The following LINGO2 variants were observed in gnomAD, a reference collection of about 807,000 sequenced individuals.
LINGO2 encodes the protein leucine-rich repeat and immunoglobulin-like domain-containing nogo receptor-interacting protein 2.
Under a neutral mutation model 30.6 loss-of-function variants are expected in LINGO2, and 14 were observed. The ratio of observed to expected loss-of-function variants is 0.46; its 90% CI spans 0.30 to 0.72. LINGO2 has a LOEUF of 0.72. LINGO2 is among the 30% of genes least tolerant of loss of function. LINGO2 has a pLI of 0.07. For synonymous variants in LINGO2, 317 were observed against 288.5 expected (o/e 1.10, Z -1.00); for missense variants, 729 against 751.7 (o/e 0.97, Z 0.35).
chr9:28,644,853 T>A (rs568234254), intron 1 of LINGO2, among the ~76,000 whole-genome samples: 17 of 152,012 alleles, frequency 1.1e-4, no homozygotes, highest in East Asian at 3.9e-4. Flanking sequence ...TCAAATTTTT[T>A]TAAAAAAATT....
chr9:28,720,492 C>T, the LINGO2 span, among the ~76,000 whole-genome samples: 8 of 152,036 alleles, frequency 5.3e-5, no homozygotes, highest in Admixed American at 6.6e-5. Context: ...TTAGATATCT[C>T]TACCATGTCT....
At chr9:28,296,315 T>A (rs934488232) in intron 3 of LINGO2, among the ~76,000 whole-genome samples, 3 of 152,112 alleles carry the variant, frequency 2.0e-5, no homozygotes, top group Non-Finnish European at 2.9e-5. Context: ...TTAAAAACTA[T>A]TAGATTTTTT....
chr9:28,470,018 T>A (rs552821396), intron 2 of LINGO2, among the ~76,000 whole-genome samples: 6 of 152,250 alleles, frequency 3.9e-5, no homozygotes, highest in South Asian at 2.1e-4. Context: ...TAAGTATACA[T>A]AAAGGAATAC....
At position 28,314,136 on chromosome 9, in the gene LINGO2, A is replaced by G. The variant is rs10968489; in HGVS notation, c.-245-18770T>C. Among the ~76,000 whole-genome samples the G allele has an allele frequency of 3.1e-3, 464 of 151,958 alleles. 4 individuals are homozygous for G. Among genetic ancestry groups the G allele is most frequent in the African/African-American group, 0.01 (428 of 41,466 alleles). ...TTTTTACTAGAGACGGGGTTTCACC[A>G]TGTTAGCCAGGATGGTCTCGATCTC... is the stretch of plus-strand genomic sequence containing the variant. On this transcript the variant is annotated intron_variant, in intron 3 of 5. Transcript: ENST00000379992.
chr9:27,981,263 C>G (rs1820839168), intron 5 of LINGO2, among the ~76,000 whole-genome samples: 1 of 151,658 alleles, frequency 6.6e-6, no homozygotes, highest in Admixed American at 6.6e-5. Context: ...CATGTTTTAT[C>G]TCACCTAGTC....
At chr9:28,204,418 T>C (rs979087249) in intron 4 of LINGO2, among the ~76,000 whole-genome samples, 102 of 152,330 alleles carry the variant, frequency 6.7e-4, no homozygotes, top group African/African-American at 2.2e-3. Context: ...TGTGATGCTC[T>C]TTCTTCAACT....
chr9:28,686,898 G>A, the LINGO2 span, among the ~76,000 whole-genome samples: 1 of 152,112 alleles, frequency 6.6e-6, no homozygotes, highest in South Asian at 2.1e-4. Flanking sequence ...AATTTATGTT[G>A]AATATAAGAA....
At chr9:28,532,074 T>C (rs1030288486) in intron 1 of LINGO2, among the ~76,000 whole-genome samples, 6 of 152,152 alleles carry the variant, frequency 3.9e-5, no homozygotes, top group Non-Finnish European at 8.8e-5. Context: ...GAGGCAAGTA[T>C]AAGTAACAAG....
the LINGO2 span, among the ~76,000 whole-genome samples, chr9:28,892,753 T>G: frequency 6.6e-6 from 1 of 152,044 alleles, no homozygotes; most frequent in African/African-American, 2.4e-5. Context: ...CATACTACCC[T>G]ATTGAATATT....
At chr9:28,090,632 G>T (rs1477226863) in intron 4 of LINGO2, among the ~76,000 whole-genome samples, 7 of 152,212 alleles carry the variant, frequency 4.6e-5, no homozygotes, top group Admixed American at 2.6e-4. Context: ...AAAACCGGAA[G>T]CATTCCCTTT....
chr9:29,021,589 G>A, the LINGO2 span, among the ~76,000 whole-genome samples: 64 of 151,926 alleles, frequency 4.2e-4, no homozygotes, highest in African/African-American at 1.4e-3. Flanking sequence ...CCCAGAAGGC[G>A]GAGGTTGCAG....
chr9:28,031,031 A>G (rs1823642658), intron 4 of LINGO2, among the ~76,000 whole-genome samples: 1 of 152,170 alleles, frequency 6.6e-6, no homozygotes, highest in African/African-American at 2.4e-5. Context: ...TCAATCTTAT[A>G]CTTTCCCAAT....
At chr9:29,047,052 C>A in the LINGO2 span, among the ~76,000 whole-genome samples, 2,343 of 106,598 alleles carry the variant, frequency 0.022, 175 homozygotes, top group African/African-American at 0.076. Context: ...AAAAAAAAAA[C>A]CAAAAACAAA....
the LINGO2 span, among the ~76,000 whole-genome samples, chr9:29,130,316 T>C: frequency 6.6e-6 from 1 of 152,150 alleles, no homozygotes; most frequent in African/African-American, 2.4e-5. Flanking sequence ...TGGTTTAGGT[T>C]ACCCCCAAAG....
intron 5 of LINGO2, among the ~76,000 whole-genome samples, chr9:27,954,937 G>A (rs983892946): frequency 6.6e-6 from 1 of 151,822 alleles, no homozygotes; most frequent in South Asian, 2.1e-4. Flanking sequence ...TTTAATAATA[G>A]CCATTCTAAC....
chr9:28,869,162 C>A, the LINGO2 span, among the ~76,000 whole-genome samples: 9 of 151,750 alleles, frequency 5.9e-5, no homozygotes, highest in Non-Finnish European at 8.8e-5. Flanking sequence ...TGTTTTGAGC[C>A]CCTACTATGA....
At chr9:28,299,753 A>T (rs1012513001) in intron 3 of LINGO2, among the ~76,000 whole-genome samples, 2 of 152,134 alleles carry the variant, frequency 1.3e-5, no homozygotes, top group African/African-American at 4.8e-5. Flanking sequence ...TCAATTAATG[A>T]TAAGTTCCTA....
At chr9:28,052,662 G>A (rs959172614) in intron 4 of LINGO2, among the ~76,000 whole-genome samples, 2 of 152,066 alleles carry the variant, frequency 1.3e-5, no homozygotes, top group Non-Finnish European at 2.9e-5. Flanking sequence ...CTAAGAACCT[G>A]TGCTGTTCAT....
At chr9:29,163,866 A>G in the LINGO2 span, among the ~76,000 whole-genome samples, 1 of 152,134 alleles carries the variant, frequency 6.6e-6, no homozygotes, top group Non-Finnish European at 1.5e-5. Flanking sequence ...CTTACATGTT[A>G]CTCTAGAACC....
Sources: gnomAD v4.1 joint callset for allele counts (sites outside exome capture counted in the v4.1 genomes callset) on GRCh38, gnomAD v4.1.1 for gene constraint, MANE v1.5 for transcripts, NCBI Gene and HGNC (gene_info 2026-07-23, HGNC 2026-07-21) for gene names.